Variants in CARD14 observed in about 807,000 individuals in gnomAD.
CARD14 encodes caspase recruitment domain family member 14, also known as caspase recruitment domain-containing protein 14.
A neutral mutation model predicts 111.5 loss-of-function variants in CARD14; 107 were observed. The observed-to-expected ratio is 0.96, with a 90% CI of 0.82 to 1.13. The LOEUF is 1.13. CARD14 is among the 50% of genes most tolerant of loss of function. The probability of loss-of-function intolerance (pLI) is 0.00; values close to 1 mark genes in which losing one functional copy is unlikely to be tolerated. For synonymous variants in CARD14, 617 were observed against 579.6 expected, an observed-to-expected ratio of 1.06 and a Z score of -0.93; for missense variants, 1,322 against 1,362.3, an observed-to-expected ratio of 0.97 and a Z score of 0.47.
chr17:80,184,015 G>C lies in CARD14; in HGVS notation c.452G>C (p.Arg151Pro), dbSNP rs200731780. The C allele has an allele frequency of 6.3e-7, 1 of 1,586,342 alleles. No homozygotes were observed. The change falls in exon 7 of 24, where the codon CGG becomes CCG. Residue 151 changes from arginine to proline, a missense_variant. Coordinates refer to ENST00000648509, the MANE Select transcript of CARD14 (RefSeq NM_001366385.1). ...AAGGGGCAGAAGGAGGTGCTGCTGC[G>C]GCGGTGCCAGCAGCTGCAGGAGCAC... ...QEKGQKEVLLRRCQQLQEHLG... is the reference protein window; with the variant it reads ...QEKGQKEVLLPRCQQLQEHLG...
rs759203476 is a variant in CARD14 at position 80,188,573 on chromosome 17, G to T, written c.843+29G>T. 5.6e-6 allele frequency: 8 copies of T among 1,436,488 alleles called. No individual in the cohort carries two copies. The highest frequency in any genetic ancestry group is 6.4e-6 in the Non-Finnish European group (7 of 1,091,034). 89.0% of individuals were successfully genotyped at this position (1,436,488 alleles called of 1,614,324 possible). On this transcript the variant is annotated intron_variant, in intron 8 of 23. Coordinates refer to ENST00000648509, the MANE Select transcript of CARD14 (RefSeq NM_001366385.1). This position sits in a 1 kb window ranked among gnomAD's most constrained non-coding sequence, Gnocchi z 4.5. ...GGTTCCGGTCCCCGCAGCAGAGAGC[G>T]GCCTCCTGCCTTGGGGGCTTGGCCC... is the stretch of plus-strand genomic sequence containing the variant.
intron 22 of CARD14, among the ~76,000 whole-genome samples, chr17:80,206,482 TG>T (rs2041316638): frequency 6.6e-6 from 1 of 151,434 alleles, no homozygotes; most frequent in Non-Finnish European, 1.5e-5. Flanking sequence ...AAATTAAAAG[TG>T]GGCCGGGTGC....
chr17:80,184,248 C>T lies in CARD14; in HGVS notation c.675+10C>T. ...CAGCCTGCAGGAGGAGGTAGGGGGA[C>T]ACCCTGCACCCCGGCGCGACCCTGC... On this transcript the variant is annotated intron_variant, in intron 7 of 23. Transcript: ENST00000648509. 6.6e-7 allele frequency: 1 copy of T among 1,505,292 alleles called. No individual in the cohort carries two copies. The highest frequency in any genetic ancestry group is 8.9e-7 in the Non-Finnish European group (1 of 1,121,716). The allele number at this position is 1,505,292 out of a possible 1,614,324, so 93.2% of individuals were successfully genotyped here. A position where few individuals can be genotyped will look rare whatever the true frequency, so the allele number is the denominator to read the frequency against.
chr17:80,201,677 C>A lies in CARD14; in HGVS notation c.1852-67C>A, dbSNP rs568268538. 2.5e-6 allele frequency: 4 copies of A among 1,585,628 alleles called. No individual in the cohort carries two copies. In the East Asian group the frequency reaches 6.7e-5, roughly 27 times the overall value. ...GCGCCTCGCCTCAGTGCCCTCAGCGCCTTCTGTCTTCTGGCTGGATTCAGA... is the reference window on the plus strand; with the variant it reads ...GCGCCTCGCCTCAGTGCCCTCAGCGACTTCTGTCTTCTGGCTGGATTCAGA... On this transcript the variant is annotated intron_variant, in intron 16 of 23. Transcript: ENST00000648509. The surrounding 1 kb of genome is among the most constrained non-coding windows in gnomAD (Gnocchi z 5.0).
chr17:80,185,776 A>G (rs2040324500), intron 7 of CARD14, among the ~76,000 whole-genome samples: 1 of 152,072 alleles, frequency 6.6e-6, no homozygotes, highest in South Asian at 2.1e-4. Flanking sequence ...CCCTCTTTAA[A>G]GCCCCCACCC....
chr17:80,204,395 T>C, intron 20 of CARD14, 54 bp downstream of exon 20: 1 of 1,474,910 alleles, frequency 6.8e-7, no homozygotes, highest in Non-Finnish European at 9.1e-7. Context: ...GGTGAGGGGC[T>C]TTGGGAGCTG....
Position 80,202,224 on chromosome 17 carries a change from T to G in CARD14, c.2023T>G (p.Ser675Ala). 1 of 1,613,936 alleles carries G rather than the reference T, an allele frequency of 6.2e-7. No individual in the cohort carries two copies. Among genetic ancestry groups the G allele is most frequent in the Non-Finnish European group, 8.5e-7 (1 of 1,180,026 alleles). The change falls in exon 18 of 24, where the codon TCG (serine) becomes GCG (alanine). Residue 675 changes from serine to alanine, a missense_variant. Physicochemically the swap from Ser to Ala is moderately conservative, Grantham distance 99. Coordinates refer to ENST00000648509, the MANE Select transcript of CARD14 (RefSeq NM_001366385.1). ...GGACCTGGAGGCCAAAGTGGCGACCTCGGGGGACTCATTCTACATCCGGGT... is the reference window on the plus strand; with the variant it reads ...GGACCTGGAGGCCAAAGTGGCGACCGCGGGGGACTCATTCTACATCCGGGT... ...LQDLEAKVAT[S>A]GDSFYIRVNL...
chr17:80,202,704 G>T, intron 18 of CARD14: 2 of 967,660 alleles, frequency 2.1e-6, no homozygotes, highest in Non-Finnish European at 2.8e-6. Flanking sequence ...CTGGATCCCC[G>T]TCTGTGGTGG....
In CARD14 at chr17:80,170,053, G is replaced by T. The variant is rs545208673; in HGVS notation, c.-693G>T. On this transcript the variant is annotated 5_prime_UTR_variant, in exon 1 of 24. Transcript: ENST00000648509. ...TCAGTCCTCGCTTCCCTGGGAGGGG[G>T]AAGGTAAGTGCGCGCAGTCCATCCG... The T allele has an allele frequency of 1.3e-5, 2 of 152,174 alleles. No individual in the cohort carries two copies. Among genetic ancestry groups the T allele is most frequent in the Non-Finnish European group, 2.9e-5 (2 of 68,068 alleles). 9.4% of individuals were successfully genotyped at this position (152,174 alleles called of 1,614,324 possible). A position where few individuals can be genotyped will look rare whatever the true frequency, so the allele number is the denominator to read the frequency against.
At position 80,198,720 on chromosome 17, in the gene CARD14, T is replaced by G. The variant is rs1473054779; in HGVS notation, c.1851+129T>G. On this transcript the variant is annotated intron_variant, in intron 16 of 23. Coordinates refer to ENST00000648509, the MANE Select transcript of CARD14 (RefSeq NM_001366385.1). The surrounding 1 kb of genome is among the most constrained non-coding windows in gnomAD (Gnocchi z 7.5). ...CCACTCTGGGCTGGGCCTCTGCTCT[T>G]TCCTGGGCTGACGTAAAGCGTTCTG... is the stretch of plus-strand genomic sequence containing the variant. 1.9e-6 allele frequency: 3 copies of G among 1,574,160 alleles called. No individual in the cohort carries two copies. The highest frequency in any genetic ancestry group is 2.7e-5 in the African/African-American group (2 of 74,010).
In CARD14 at chr17:80,208,372, G is replaced by A. The variant is rs1375377945; in HGVS notation, c.*27G>A. The A allele has an allele frequency of 1.9e-6, 3 of 1,540,944 alleles. No individual in the cohort carries two copies. Among genetic ancestry groups the A allele is most frequent in the Non-Finnish European group, 2.6e-6 (3 of 1,136,034 alleles). On this transcript the variant is annotated 3_prime_UTR_variant, in exon 24 of 24. Transcript: ENST00000648509. ...GCACCGTGCCCCTTCCCGGGACTGT[G>A]GGGGCTTCTGTGTGCCTGTTAATGC...
rs767476687 is a variant in CARD14 at position 80,205,011 on chromosome 17, C to A, written c.2399-24C>A. 6 of 1,533,710 alleles carry A rather than the reference C, an allele frequency of 3.9e-6. No individual in the cohort carries two copies. The South Asian group carries it at 7.4e-5, about 19-fold the overall frequency. On this transcript the variant is annotated intron_variant, in intron 20 of 23. Transcript: ENST00000648509. Reference sequence around the variant, plus strand: ...CTGGGGGCTGCCGCAGCCTCACCCACCCTCAGGATCCTCTCCTCCACAGGC... The same window carrying A: ...CTGGGGGCTGCCGCAGCCTCACCCAACCTCAGGATCCTCTCCTCCACAGGC...
In CARD14 at chr17:80,203,751, T is replaced by C; in HGVS notation, c.2220-71T>C. On this transcript the variant is annotated intron_variant, in intron 18 of 23. Transcript: ENST00000648509. This position sits in a 1 kb window ranked among gnomAD's most constrained non-coding sequence, Gnocchi z 4.6. ...CCCGGCCATCTCCCCCACTCTCCCC[T>C]GCTCGGCTCTCCCCTGCCCTGCTCA... 8.1e-7 allele frequency: 1 copy of C among 1,242,104 alleles called. No individual in the cohort carries two copies. The highest frequency in any genetic ancestry group is 1.1e-6 in the Non-Finnish European group (1 of 875,770). 76.9% of individuals were successfully genotyped at this position (1,242,104 alleles called of 1,614,324 possible). A position where few individuals can be genotyped will look rare whatever the true frequency, so the allele number is the denominator to read the frequency against.
chr17:80,177,405 A>T (rs183728734), intron 2 of CARD14, among the ~76,000 whole-genome samples: 4,846 of 151,918 alleles, frequency 0.032, 87 homozygotes, highest in African/African-American at 0.043. Flanking sequence ...TAAAAAAAAA[A>T]TTTTTTTAGG....
intron 23 of CARD14, 92 bp downstream of exon 23, chr17:80,207,177 G>A (rs971263497): frequency 4.8e-5 from 41 of 853,976 alleles, no homozygotes; most frequent in African/African-American, 1.7e-4. Context: ...TGTGCTCTGC[G>A]GTTTGCAGGA....
At position 80,201,647 on chromosome 17, in the gene CARD14, G is replaced by A; in HGVS notation, c.1852-97G>A. On this transcript the variant is annotated intron_variant, in intron 16 of 23. Coordinates refer to ENST00000648509, the MANE Select transcript of CARD14 (RefSeq NM_001366385.1). The surrounding 1 kb of genome is among the most constrained non-coding windows in gnomAD (Gnocchi z 5.0). ...CAGGCAGTGGTCCTACGGCAGGGCT[G>A]GCCCGCGCCTCGCCTCAGTGCCCTC... The A allele has an allele frequency of 7.6e-7, 1 of 1,315,954 alleles. No individual in the cohort carries two copies. Among genetic ancestry groups the A allele is most frequent in the South Asian group, 1.2e-5 (1 of 84,210 alleles). 81.5% of individuals were successfully genotyped at this position (1,315,954 alleles called of 1,614,324 possible).
rs577015337 is a variant in CARD14, at chr17:80,181,419, G to A, written c.-20G>A. On this transcript the variant is annotated splice_region_variant and 5_prime_UTR_variant, in exon 5 of 24. Transcript: ENST00000648509. ...CCACCCCCATGGCCACCCCTCCTAG[G>A]GTCCTCCCAGCGCCCAGCCATGGGG... 1 of 1,554,166 alleles carries A rather than the reference G, an allele frequency of 6.4e-7. No homozygotes were observed. Among genetic ancestry groups the A allele is most frequent in the African/African-American group, 1.4e-5 (1 of 73,310 alleles).
chr17:80,203,655 C>T lies in CARD14; in HGVS notation c.2220-167C>T, dbSNP rs1331871902. The T allele has an allele frequency of 6.1e-5, 34 of 552,926 alleles. No individual in the cohort carries two copies. The East Asian group carries it at 6.5e-4, about 11-fold the overall frequency. The allele number at this position is 552,926 out of a possible 1,614,324, so 34.3% of individuals were successfully genotyped here. A position where few individuals can be genotyped will look rare whatever the true frequency, so the allele number is the denominator to read the frequency against. ...TGAAAGCTCTGGAGACTGGCATGGC[C>T]GCCAGGATGGAGCGCTCCAGCCTGC... On this transcript the variant is annotated intron_variant, in intron 18 of 23. Coordinates refer to ENST00000648509, the MANE Select transcript of CARD14 (RefSeq NM_001366385.1). The surrounding 1 kb of genome is among the most constrained non-coding windows in gnomAD (Gnocchi z 4.6).
In CARD14 at chr17:80,202,202, C is replaced by A; in HGVS notation, c.2001C>A (p.Asp667Glu). ...CAGGTTATAAGAGGCTACTCCAGGA[C>A]CTGGAGGCCAAAGTGGCGACCTCGG... Reference protein sequence around the residue: ...NTDGYKRLLQDLEAKVATSGD... With the variant: ...NTDGYKRLLQELEAKVATSGD... Residue 667 changes from aspartate to glutamate, a missense_variant, in exon 18 of 24, where the codon GAC becomes GAA. Coordinates refer to ENST00000648509, the MANE Select transcript of CARD14 (RefSeq NM_001366385.1). The A allele has an allele frequency of 6.2e-7, 1 of 1,613,860 alleles. No individual in the cohort carries two copies. Among genetic ancestry groups the A allele is most frequent in the South Asian group, 1.1e-5 (1 of 91,086 alleles).
Sources: gnomAD v4.1 joint callset for allele counts (sites outside exome capture counted in the v4.1 genomes callset) on GRCh38, gnomAD v4.1.1 for gene constraint, Gnocchi (gnomAD v3.1) non-coding constraint, MANE v1.5 for transcripts, NCBI Gene and HGNC (gene_info 2026-07-23, HGNC 2026-07-21) for gene names.